Variants in MAP3K5 observed in about 807,000 individuals in gnomAD.
MAP3K5 encodes the protein ASK-1.
Under a neutral mutation model 158.7 loss-of-function variants are expected in MAP3K5, and 56 were observed. That is an observed-to-expected ratio of 0.35 (90% CI 0.28 to 0.44). MAP3K5 has a LOEUF of 0.44. Ranked by LOEUF, MAP3K5 falls within the 20% of genes least tolerant of loss-of-function variation. MAP3K5 has a pLI of 1.00. For synonymous variants in MAP3K5, 579 were observed against 601.7 expected (o/e 0.96, Z 0.55); for missense variants, 1,294 against 1,674.8 (o/e 0.77, Z 3.97).
At chr6:136,713,972 C>G (rs1168421358) in intron 2 of MAP3K5, among the ~76,000 whole-genome samples, 1 of 152,144 alleles carries the variant, frequency 6.6e-6, no homozygotes, top group Non-Finnish European at 1.5e-5. Flanking sequence ...GTACCACTAA[C>G]AAGTTGATGA....
Position 136,792,251 on chromosome 6 carries a change from T to A in MAP3K5, c.-94A>T. 1 of 1,243,114 alleles carries A rather than the reference T, an allele frequency of 8.0e-7. No individual in the cohort carries two copies. Among genetic ancestry groups the A allele is most frequent in the Non-Finnish European group, 1.0e-6 (1 of 998,336 alleles). The allele number at this position is 1,243,114 out of a possible 1,614,324, so 77.0% of individuals were successfully genotyped here. On this transcript the variant is annotated 5_prime_UTR_variant, in exon 1 of 30. The change abolishes the stop of an existing upstream ORF in the 5' untranslated region. Transcript: ENST00000359015. The surrounding 1 kb of genome is among the most constrained non-coding windows in gnomAD (Gnocchi z 5.7). ...CGGGGCTGCTCCGCGCCCGCCGGGC[T>A]AAGCAGCTGCCATCGCGCGCCGCGC...
At chr6:136,766,179 T>C (rs770778864) in intron 1 of MAP3K5, among the ~76,000 whole-genome samples, 1 of 152,084 alleles carries the variant, frequency 6.6e-6, no homozygotes, top group African/African-American at 2.4e-5. Context: ...TGGGGAGAAG[T>C]TGGAGACTGA....
At chr6:136,581,103 A>T (rs1202663258) in intron 24 of MAP3K5, among the ~76,000 whole-genome samples, 1 of 152,222 alleles carries the variant, frequency 6.6e-6, no homozygotes, top group Non-Finnish European at 1.5e-5. Flanking sequence ...ATACTCATTA[A>T]ACAGTAAGTT....
intron 9 of MAP3K5, among the ~76,000 whole-genome samples, chr6:136,658,522 C>G (rs191176208): frequency 6.6e-6 from 1 of 152,044 alleles, no homozygotes; most frequent in East Asian, 1.9e-4. Context: ...ACCCGGTTGT[C>G]CAGGCTGATC....
intron 1 of MAP3K5, among the ~76,000 whole-genome samples, chr6:136,734,229 G>A (rs772940284): frequency 8.6e-5 from 13 of 151,900 alleles, no homozygotes; most frequent in Admixed American, 2.0e-4. Flanking sequence ...GACCAGCCTG[G>A]CCAAAATGGT....
intron 15 of MAP3K5, 39 bp from the exon 16 acceptor site, chr6:136,614,325 C>A (rs1776469055): frequency 1.9e-6 from 3 of 1,596,726 alleles, no homozygotes; most frequent in Non-Finnish European, 2.6e-6. Flanking sequence ...AATTATGTAG[C>A]CAGACTTTAC....
At chr6:136,580,691 T>A (rs996865425) in intron 24 of MAP3K5, among the ~76,000 whole-genome samples, 1 of 152,190 alleles carries the variant, frequency 6.6e-6, no homozygotes, top group Non-Finnish European at 1.5e-5. Context: ...TTAGCTTTTA[T>A]AATGTCTGCA....
intron 12 of MAP3K5, among the ~76,000 whole-genome samples, chr6:136,641,378 A>T (rs1777923752): frequency 6.6e-6 from 1 of 152,164 alleles, no homozygotes; most frequent in Non-Finnish European, 1.5e-5. Context: ...GTTGTCTCTC[A>T]TTGCTATGAC....
chr6:136,558,575 A>G (rs1830358807), intron 29 of MAP3K5, among the ~76,000 whole-genome samples: 1 of 152,182 alleles, frequency 6.6e-6, no homozygotes, highest in African/African-American at 2.4e-5. Flanking sequence ...TTATTCAAAA[A>G]AATTCTTCCA....
intron 28 of MAP3K5, 135 bp from the exon 29 acceptor site, chr6:136,559,011 C>T: frequency 1.7e-6 from 1 of 603,852 alleles, no homozygotes; most frequent in Non-Finnish European, 2.9e-6. Context: ...CACAATCTTC[C>T]AGGATTATTA....
intron 2 of MAP3K5, among the ~76,000 whole-genome samples, chr6:136,713,590 A>G (rs1271378071): frequency 6.6e-6 from 1 of 152,236 alleles, no homozygotes; most frequent in South Asian, 2.1e-4. Context: ...TTCATAAAGC[A>G]GTGTTACATG....
chr6:136,562,649 T>C, intron 26 of MAP3K5, 34 bp from the exon 27 acceptor site: 10 of 1,063,216 alleles, frequency 9.4e-6, no homozygotes, highest in African/African-American at 1.6e-5. Context: ...TGACAGGAGG[T>C]GACACAGGGT....
chr6:136,736,644 C>G (rs1203565291), intron 1 of MAP3K5, among the ~76,000 whole-genome samples: 1 of 151,944 alleles, frequency 6.6e-6, no homozygotes, highest in Non-Finnish European at 1.5e-5. Context: ...TTTCTTTCTT[C>G]CAATTGATTA....
chr6:136,624,014 C>A (rs1348098555), intron 14 of MAP3K5, among the ~76,000 whole-genome samples: 1 of 152,016 alleles, frequency 6.6e-6, no homozygotes, highest in African/African-American at 2.4e-5. Flanking sequence ...GCCAACATGG[C>A]AAAACCCTGT....
At position 136,605,199 on chromosome 6, in the gene MAP3K5, G is replaced by T. The variant is rs1164264608; in HGVS notation, c.2679+10C>A. 2 of 1,610,088 alleles carry T rather than the reference G, an allele frequency of 1.2e-6. No homozygotes were observed. The highest frequency in any genetic ancestry group is 8.5e-7 in the Non-Finnish European group (1 of 1,178,944). ...TTATCCATTTGTTTTTAAGAGAAAT[G>T]AAGTGTGACCTTGAACATAGCTGCT... On this transcript the variant is annotated intron_variant, in intron 19 of 29. Coordinates refer to ENST00000359015, the MANE Select transcript of MAP3K5 (RefSeq NM_005923.4).
At chr6:136,584,910 T>C (rs1189036445) in intron 23 of MAP3K5, among the ~76,000 whole-genome samples, 1 of 152,150 alleles carries the variant, frequency 6.6e-6, no homozygotes, top group Non-Finnish European at 1.5e-5. Context: ...ATGTCCTTGG[T>C]ACTTCAGTTG....
chr6:136,599,372 T>C (rs909028388), intron 21 of MAP3K5, among the ~76,000 whole-genome samples: 1 of 152,104 alleles, frequency 6.6e-6, no homozygotes, highest in Non-Finnish European at 1.5e-5. Context: ...GAAAGGGCAG[T>C]GGGAACCTGA....
intron 1 of MAP3K5, among the ~76,000 whole-genome samples, chr6:136,790,654 G>C (rs1785037147): frequency 6.6e-6 from 1 of 152,218 alleles, no homozygotes; most frequent in African/African-American, 2.4e-5. Context: ...ACACTAAAGA[G>C]AATCAGAATT....
chr6:136,627,565 C>A (rs967788484), intron 14 of MAP3K5, among the ~76,000 whole-genome samples: 3 of 152,154 alleles, frequency 2.0e-5, no homozygotes, highest in Non-Finnish European at 1.5e-5. Context: ...AAGAGTTAGG[C>A]CCTTTAGAAG....
Sources: allele counts gnomAD v4.1 joint callset (sites outside exome capture counted in the v4.1 genomes callset), GRCh38; gene constraint gnomAD v4.1.1; non-coding constraint Gnocchi (gnomAD v3.1); transcripts MANE v1.5; gene names NCBI Gene and HGNC (gene_info 2026-07-23, HGNC 2026-07-21).